The following SLCO3A1 variants were observed in gnomAD, a reference collection of about 807,000 sequenced individuals.
SLCO3A1 encodes the protein PGE1 transporter.
SLCO3A1 carries 27 observed loss-of-function variants against 63.1 expected under a neutral mutation model. The observed-to-expected ratio is 0.43, with a 90% CI of 0.32 to 0.59. The LOEUF (loss-of-function observed/expected upper bound fraction) is 0.59. SLCO3A1 is among the 20% of genes least tolerant of loss of function. The pLI is 0.09. For synonymous variants in SLCO3A1, 473 were observed against 409.9 expected, an observed-to-expected ratio of 1.15 and a Z score of -1.86; for missense variants, 773 against 945.8, an observed-to-expected ratio of 0.82 and a Z score of 2.40.
chr15:92,011,513 TA>T (rs11336879), intron 2 of SLCO3A1, among the ~76,000 whole-genome samples: 48,575 of 151,402 alleles, frequency 0.32, 9,100 homozygotes, highest in African/African-American at 0.53. Context: ...ACATGCTTCT[TA>T]AAAAAAAAAT....
At chr15:91,905,309 G>A (rs771860839) in intron 1 of SLCO3A1, among the ~76,000 whole-genome samples, 1 of 152,146 alleles carries the variant, frequency 6.6e-6, no homozygotes, top group Non-Finnish European at 1.5e-5. Flanking sequence ...TATCCCTTGG[G>A]ATCTGTGGGA....
chr15:91,946,949 A>T (rs1413327040), intron 2 of SLCO3A1, among the ~76,000 whole-genome samples: 1 of 152,160 alleles, frequency 6.6e-6, no homozygotes, highest in Non-Finnish European at 1.5e-5. Context: ...TTATAATCAA[A>T]TGTGTCCATG....
At chr15:91,991,893 T>TG (rs34442155) in intron 2 of SLCO3A1, among the ~76,000 whole-genome samples, 2 of 151,564 alleles carry the variant, frequency 1.3e-5, no homozygotes, top group Non-Finnish European at 2.9e-5. Flanking sequence ...TAAGTTGAAT[T>TG]GGGGGTAATC....
chr15:92,127,775 A>T (rs1173668069), intron 6 of SLCO3A1, among the ~76,000 whole-genome samples: 1 of 152,236 alleles, frequency 6.6e-6, no homozygotes, highest in African/African-American at 2.4e-5. Context: ...TGAATCAATT[A>T]GACAATAATT....
At position 91,853,879 on chromosome 15, in the gene SLCO3A1, G is replaced by T. The variant is rs1320625242; in HGVS notation, c.-30G>T. On this transcript the variant is annotated 5_prime_UTR_variant, in exon 1 of 10. Coordinates refer to ENST00000318445, the MANE Select transcript of SLCO3A1 (RefSeq NM_013272.4). ...CCGGGGCGAGCGGGAAAGCGGCAGC[G>T]GCGGCGGCGGCGGCGGCGGCGGGGG... is the stretch of plus-strand genomic sequence containing the variant. 1 of 646,642 alleles carries T rather than the reference G, an allele frequency of 1.5e-6. No homozygotes were observed. The highest frequency in any genetic ancestry group is 2.0e-6 in the Non-Finnish European group (1 of 511,982). The allele number at this position is 646,642 out of a possible 1,614,324, so 40.1% of individuals were successfully genotyped here.
chr15:91,949,394 C>T (rs1475895857), intron 2 of SLCO3A1, among the ~76,000 whole-genome samples: 1 of 152,156 alleles, frequency 6.6e-6, no homozygotes, highest in Non-Finnish European at 1.5e-5. Context: ...CTTTGGGAGG[C>T]TGAGACAGGC....
intron 2 of SLCO3A1, among the ~76,000 whole-genome samples, chr15:91,959,044 A>G (rs1900339692): frequency 6.6e-6 from 1 of 152,222 alleles, no homozygotes; most frequent in Admixed American, 6.5e-5. Flanking sequence ...CAAGGAGTGG[A>G]TAAAGAAAAT....
chr15:92,116,994 T>G (rs1011664598), intron 4 of SLCO3A1, among the ~76,000 whole-genome samples: 1 of 152,248 alleles, frequency 6.6e-6, no homozygotes, highest in Admixed American at 6.5e-5. Context: ...TTTTCACATC[T>G]AATTCAAGGA....
intron 8 of SLCO3A1, among the ~76,000 whole-genome samples, chr15:92,148,487 A>G (rs1435790859): frequency 6.6e-6 from 1 of 152,204 alleles, no homozygotes; most frequent in African/African-American, 2.4e-5. Context: ...ATTAGGGTAT[A>G]ATAGCAAATT....
chr15:92,034,783 A>G lies in SLCO3A1; in HGVS notation c.647-60098A>G, dbSNP rs371872096. Among the ~76,000 whole-genome samples, 9 of 152,064 alleles carry G rather than the reference A, an allele frequency of 5.9e-5. No individual in the cohort carries two copies. The East Asian group carries it at 1.7e-3, about 29-fold the overall frequency. ...TCCCCTCCAGTGGTGGCATGTGGCTATGGGAACTGTCATTGAGACGTTGGC... is the reference window on the plus strand; with the variant it reads ...TCCCCTCCAGTGGTGGCATGTGGCTGTGGGAACTGTCATTGAGACGTTGGC... On this transcript the variant is annotated intron_variant, in intron 2 of 9. Transcript: ENST00000318445.
At chr15:92,162,701 C>A (rs1160499332) in intron 9 of SLCO3A1, 55 bp from the exon 10 acceptor site, 22 of 1,551,838 alleles carry the variant, frequency 1.4e-5, no homozygotes, top group Middle Eastern at 3.9e-4. Flanking sequence ...GAGACAGGAA[C>A]AGGGGAGCAC....
Position 91,880,381 on chromosome 15 carries a change from TTCTCTC to T in SLCO3A1, c.180+26317_180+26322del, listed in dbSNP as rs71464533. 2.1e-4 allele frequency among the ~76,000 whole-genome samples: 25 copies of T among 121,770 alleles called. 1 individual carries two copies. The highest frequency in any genetic ancestry group is 4.6e-4 in the Admixed American group (6 of 13,002). 79.9% of individuals were successfully genotyped at this position (121,770 alleles called of 152,430 possible). On this transcript the variant is annotated intron_variant, in intron 1 of 9. Transcript: ENST00000318445. Reference sequence around the variant, plus strand: ...TCCTCAGTTTTACCGGCACTCGTGCTTCTCTCTCTCTCTCTCTCTCTCTCTCTCTGT... The same window carrying T: ...TCCTCAGTTTTACCGGCACTCGTGCTTCTCTCTCTCTCTCTCTCTCTCTGT...
At chr15:92,165,978 C>G (rs2151607762), downstream of SLCO3A1, 2 of 768,754 alleles carry the variant, frequency 2.6e-6, no homozygotes, top group Non-Finnish European at 3.2e-6. Context: ...GATGAAAAGT[C>G]TCTCTCTGCT....
At chr15:91,929,830 C>T (rs1288914548) in intron 2 of SLCO3A1, among the ~76,000 whole-genome samples, 1 of 152,112 alleles carries the variant, frequency 6.6e-6, no homozygotes, top group African/African-American at 2.4e-5. Flanking sequence ...TAGCAGGTTG[C>T]TCTCAAGGTT....
chr15:92,140,696 G>T (rs1206714057), intron 7 of SLCO3A1, among the ~76,000 whole-genome samples: 2 of 152,132 alleles, frequency 1.3e-5, no homozygotes, highest in East Asian at 1.9e-4. Flanking sequence ...AGGATAGTTA[G>T]CTCTTCTTGT....
intron 2 of SLCO3A1, among the ~76,000 whole-genome samples, chr15:91,994,350 C>G (rs1305897206): frequency 6.6e-6 from 1 of 151,782 alleles, no homozygotes; most frequent in East Asian, 1.9e-4. Context: ...AAATGTTTTA[C>G]TTTTAATTTT....
At position 91,863,899 on chromosome 15, in the gene SLCO3A1, G is replaced by A. The variant is rs1028425069; in HGVS notation, c.180+9811G>A. On this transcript the variant is annotated intron_variant, in intron 1 of 9. Coordinates refer to ENST00000318445, the MANE Select transcript of SLCO3A1 (RefSeq NM_013272.4). This position sits in a 1 kb window ranked among gnomAD's most constrained non-coding sequence, Gnocchi z 4.3. ...CAGTTTCTCAGCCAGCCAAAGAGAG[G>A]ATATCTTTTGGAAACAAAAACCATA... Among the ~76,000 whole-genome samples, 11 of 152,274 alleles carry A rather than the reference G, an allele frequency of 7.2e-5. No homozygotes were observed. The highest frequency in any genetic ancestry group is 3.4e-3 in the Middle Eastern group (1 of 294).
intron 2 of SLCO3A1, among the ~76,000 whole-genome samples, chr15:91,960,226 G>A (rs762809658): frequency 6.6e-6 from 1 of 152,080 alleles, no homozygotes; most frequent in Non-Finnish European, 1.5e-5. Flanking sequence ...CTCGTGATCT[G>A]CCCACCTCGG....
At chr15:92,161,188 G>T (rs2048432456) in intron 9 of SLCO3A1, among the ~76,000 whole-genome samples, 1 of 152,156 alleles carries the variant, frequency 6.6e-6, no homozygotes, top group East Asian at 1.9e-4. Flanking sequence ...CTTTATTCTG[G>T]CCTCAAGGGG....
Sources: gnomAD v4.1 joint callset for allele counts (sites outside exome capture counted in the v4.1 genomes callset) on GRCh38, gnomAD v4.1.1 for gene constraint, Gnocchi (gnomAD v3.1) non-coding constraint, MANE v1.5 for transcripts, NCBI Gene and HGNC (gene_info 2026-07-23, HGNC 2026-07-21) for gene names.